The following RGPD4 variants were observed in gnomAD, a reference collection of about 807,000 sequenced individuals.
RGPD4 encodes the protein RANBP2 like and GRIP domain containing 4.
RGPD4 carries 84 observed loss-of-function variants against 141.1 expected under a neutral mutation model. The observed-to-expected ratio is 0.60, with a 90% CI of 0.50 to 0.71. RGPD4 has a LOEUF of 0.71. RGPD4 is among the 30% of genes least tolerant of loss of function. The pLI, the probability that RGPD4 is intolerant of heterozygous loss-of-function variation, is 0.00. For missense variants in RGPD4, 918 were observed against 1,622.4 expected (o/e 0.57, Z 7.46); for synonymous variants, 298 against 566.8 (o/e 0.53, Z 6.74).
intron 6 of RGPD4, among the ~76,000 whole-genome samples, chr2:107,846,228 T>G (rs1395699622): frequency 1.3e-5 from 2 of 149,482 alleles, no homozygotes; most frequent in East Asian, 3.9e-4. Context: ...GCCCGGCTGG[T>G]CTCGATCTCT....
chr2:107,866,571 GA>G (rs1375256642), intron 18 of RGPD4, among the ~76,000 whole-genome samples: 1 of 130,874 alleles, frequency 7.6e-6, no homozygotes, highest in African/African-American at 2.9e-5. Flanking sequence ...CCACACCTCA[GA>G]TGAGCTGAGA....
intron 20 of RGPD4, 86 bp from the exon 21 acceptor site, chr2:107,879,882 A>G: frequency 6.6e-7 from 1 of 1,504,958 alleles, no homozygotes; most frequent in Non-Finnish European, 9.0e-7. Flanking sequence ...ACATAGTAAG[A>G]TATTTATATT....
intron 4 of RGPD4, among the ~76,000 whole-genome samples, chr2:107,841,276 C>A (rs1446571496): frequency 1.9e-5 from 2 of 106,896 alleles, no homozygotes; most frequent in African/African-American, 6.9e-5. Context: ...TTGAAGCATT[C>A]TTTAAAGATT....
At position 107,857,943 on chromosome 2, in the gene RGPD4, G is replaced by C. The variant is rs1192886327; in HGVS notation, c.1276+974G>C. On this transcript the variant is annotated intron_variant, in intron 9 of 22. Transcript: ENST00000408999. ...GGTGGAGGTTGCAGTGAGCCAAGAT[G>C]ACACTGCTGCACTACAGCCTGGGCG... Among the ~76,000 whole-genome samples the C allele has an allele frequency of 9.9e-5, 15 of 151,838 alleles. 1 individual carries two copies. Among genetic ancestry groups the C allele is most frequent in the Non-Finnish European group, 1.5e-4 (10 of 68,028 alleles).
In RGPD4 at chr2:107,879,979, T is replaced by A. The variant is rs832352; in HGVS notation, c.4936T>A (p.Trp1646Arg). ...ACAACATGTTGCAGAGCCTCCATTA[T>A]GGCATGCTGAATTTACCAAAGAAGA... ...FKTPEKEPPLWHAEFTKEELV... is the reference protein window; with the variant it reads ...FKTPEKEPPLRHAEFTKEELV... Residue 1646 changes from tryptophan (W) to arginine (R), a missense_variant, in exon 21 of 23, where the codon TGG (tryptophan) becomes AGG (arginine). Trp to Arg is a moderately radical substitution (Grantham distance 101, BLOSUM62 -3). Coordinates refer to ENST00000408999, the MANE Select transcript of RGPD4 (RefSeq NM_182588.3). The A allele has an allele frequency of 0.69, 1,106,735 of 1,609,518 alleles. 387,534 individuals are homozygous for A. Among genetic ancestry groups the A allele is most frequent in the Middle Eastern group, 0.75 (3,331 of 4,424 alleles).
rs1222283120 is a variant in RGPD4 at position 107,844,830 on chromosome 2, G to GTTTTT, written c.782+1120_782+1124dup. 5.9e-3 allele frequency among the ~76,000 whole-genome samples: 155 copies of GTTTTT among 26,188 alleles called. 7 individuals are homozygous for GTTTTT. Among genetic ancestry groups the GTTTTT allele is most frequent in the Non-Finnish European group, 6.4e-3 (89 of 13,998 alleles). 17.2% of individuals were successfully genotyped at this position (26,188 alleles called of 152,430 possible). On this transcript the variant is annotated intron_variant, in intron 6 of 22. Transcript: ENST00000408999. ...TTCTTTCTTTCTTTCTTTCTTTTTT[G>GTTTTT]TTTTTTTTTTTTTTTTTTTTTTTTG... is the stretch of plus-strand genomic sequence containing the variant.
At chr2:107,883,095 G>C (rs915566884) in intron 22 of RGPD4, 20 of 663,916 alleles carry the variant, frequency 3.0e-5, no homozygotes, top group African/African-American at 2.8e-4. Flanking sequence ...TACAATAAGT[G>C]CTTAGCTTGA....
chr2:107,865,793 G>A (rs1289420094), intron 17 of RGPD4, among the ~76,000 whole-genome samples: 7 of 145,706 alleles, frequency 4.8e-5, no homozygotes, highest in African/African-American at 1.3e-4. Flanking sequence ...AATCAGGTCC[G>A]GGCGTGGTGG....
rs1214919827 is a variant in RGPD4, at chr2:107,857,904, G to A, written c.1276+935G>A. ...CTCAGGAGGCTGAGGCAGGAGAATC[G>A]CTTCAACCTGGGAGGTGGAGGTTGC... On this transcript the variant is annotated intron_variant, in intron 9 of 22. Coordinates refer to ENST00000408999, the MANE Select transcript of RGPD4 (RefSeq NM_182588.3). 7.2e-5 allele frequency among the ~76,000 whole-genome samples: 11 copies of A among 151,966 alleles called. 1 individual carries two copies. The highest frequency in any genetic ancestry group is 1.0e-4 in the Non-Finnish European group (7 of 68,048).
Position 107,831,683 on chromosome 2 carries a change from C to T in RGPD4, c.72+4598C>T, listed in dbSNP as rs1032962882. On this transcript the variant is annotated intron_variant, in intron 1 of 22. Coordinates refer to ENST00000408999, the MANE Select transcript of RGPD4 (RefSeq NM_182588.3). ...CTCTGCCTCCCGGGTTCACACCATT[C>T]TCCTGCCCCAGCCTGTAGCTGGGAC... is the stretch of plus-strand genomic sequence containing the variant. Among the ~76,000 whole-genome samples the T allele has an allele frequency of 7.9e-3, 1,066 of 135,562 alleles. 9 individuals are homozygous for T. Among genetic ancestry groups the T allele is most frequent in the African/African-American group, 0.028 (1,000 of 35,612 alleles). 88.9% of individuals were successfully genotyped at this position (135,562 alleles called of 152,430 possible).
At chr2:107,853,961 G>T (rs908484804) in intron 7 of RGPD4, among the ~76,000 whole-genome samples, 2 of 139,472 alleles carry the variant, frequency 1.4e-5, no homozygotes, top group Non-Finnish European at 1.5e-5. Context: ...TGTTGTTCAG[G>T]CTGGTCTTGA....
intron 1 of RGPD4, among the ~76,000 whole-genome samples, chr2:107,829,544 CCTGGCCCGGCGGCGGCCTCGAT>C (rs1217133861): frequency 1.4e-5 from 2 of 143,668 alleles, no homozygotes; most frequent in East Asian, 2.0e-4. Context: ...GCGGCCTCGA[CCTGGCCCGGCGGCGGCCTCGAT>C]GGCTCAGGCG....
At chr2:107,862,486 TAAA>T (rs1390624863) in intron 15 of RGPD4, among the ~76,000 whole-genome samples, 193 bp from the exon 16 acceptor site, 2 of 152,056 alleles carry the variant, frequency 1.3e-5, no homozygotes, top group African/African-American at 4.8e-5. Flanking sequence ...GACAAAAAAA[TAAA>T]AATAATACAA....
chr2:107,874,653 C>G (rs1366831464), intron 20 of RGPD4, among the ~76,000 whole-genome samples: 1 of 150,786 alleles, frequency 6.6e-6, no homozygotes, highest in Non-Finnish European at 1.5e-5. Context: ...GTTAGGAATC[C>G]CTGACCTAAG....
At chr2:107,844,819 C>CTT (rs1558794972) in intron 6 of RGPD4, among the ~76,000 whole-genome samples, 1 of 62,250 alleles carries the variant, frequency 1.6e-5, no homozygotes, top group African/African-American at 5.7e-5. Flanking sequence ...TTCTTTCTTT[C>CTT]TTTCTTTTTT....
intron 7 of RGPD4, among the ~76,000 whole-genome samples, chr2:107,854,075 G>A (rs1173775138): frequency 8.2e-5 from 10 of 121,290 alleles, no homozygotes; most frequent in South Asian, 7.8e-4. Context: ...TTTTTTTTGC[G>A]ATGGAGTCTC....
At chr2:107,834,248 G>A (rs567990987) in intron 1 of RGPD4, among the ~76,000 whole-genome samples, 3 of 149,984 alleles carry the variant, frequency 2.0e-5, no homozygotes, top group South Asian at 2.1e-4. Context: ...ATTTAGATGC[G>A]ATTGTAAATG....
intron 18 of RGPD4, among the ~76,000 whole-genome samples, chr2:107,867,289 T>C (rs1682761478): frequency 6.6e-6 from 1 of 152,160 alleles, no homozygotes. Flanking sequence ...TCTCTCTTTT[T>C]AGCCCAGGAA....
intron 1 of RGPD4, among the ~76,000 whole-genome samples, chr2:107,828,389 T>C (rs1463141276): frequency 1.2e-3 from 4 of 3,206 alleles, no homozygotes; most frequent in African/African-American, 2.3e-3. Flanking sequence ...CTCCCTGGCG[T>C]GCTCTGTTGA....
Sources: allele counts gnomAD v4.1 joint callset (sites outside exome capture counted in the v4.1 genomes callset), GRCh38; gene constraint gnomAD v4.1.1; transcripts MANE v1.5; gene names NCBI Gene and HGNC (gene_info 2026-07-23, HGNC 2026-07-21).